MOV10L1: variants seen among roughly 807,000 people sequenced by gnomAD.
MOV10L1 encodes the protein Mov10 like RNA helicase 1.
Under a neutral mutation model 143.8 loss-of-function variants are expected in MOV10L1, and 110 were observed. The observed-to-expected ratio is 0.76, with a 90% confidence interval of 0.66 to 0.90. The LOEUF (loss-of-function observed/expected upper bound fraction) is 0.90, where lower values mean the gene tolerates loss of function less well. MOV10L1 is among the 40% of genes least tolerant of loss of function. The probability of loss-of-function intolerance (pLI) is 0.00; values close to 1 mark genes in which losing one functional copy is unlikely to be tolerated. For synonymous variants in MOV10L1, 593 were observed against 581.1 expected (o/e 1.02, Z -0.29); for missense variants, 1,406 against 1,526.8 (o/e 0.92, Z 1.32).
In MOV10L1 at chr22:50,125,505, G is replaced by C. The variant is rs1173514419; in HGVS notation, c.1683G>C (p.Arg561Ser). 1 of 1,614,238 alleles carries C rather than the reference G, an allele frequency of 6.2e-7. No homozygotes were observed. The highest frequency in any genetic ancestry group is 8.5e-7 in the Non-Finnish European group (1 of 1,180,052). ...EYNMSGIILR[R>S]NGDLLVLEVP... ...ACATGAGCGGGATCATCTTAAGAAG[G>C]AATGGGGATCTGCTGGTTCTGGAGG... is the stretch of plus-strand genomic sequence containing the variant. The change falls in exon 11 of 27, where the codon AGG (arginine) becomes AGC (serine). Residue 561 changes from arginine to serine, a missense_variant. This residue lies in a region of MOV10L1 where 1,233 missense variants were observed against 1,351.4 expected (regional missense o/e 0.91). Coordinates refer to ENST00000262794, the MANE Select transcript of MOV10L1 (RefSeq NM_018995.3).
At chr22:50,132,136 TACC>T (rs2062696272) in intron 13 of MOV10L1, among the ~76,000 whole-genome samples, 2 of 152,166 alleles carry the variant, frequency 1.3e-5, no homozygotes, top group Non-Finnish European at 2.9e-5. Flanking sequence ...CAACTCCTCA[TACC>T]CAGTAACATC....
At position 50,128,437 on chromosome 22, in the gene MOV10L1, C is replaced by G. The variant is rs924687683; in HGVS notation, c.1840C>G (p.Leu614Val). 1.3e-6 allele frequency: 2 copies of G among 1,533,136 alleles called. No individual in the cohort carries two copies. Among genetic ancestry groups the G allele is most frequent in the East Asian group, 4.5e-5 (2 of 44,142 alleles). 95.0% of individuals were successfully genotyped at this position (1,533,136 alleles called of 1,614,324 possible). The change falls in exon 13 of 27, where the codon CTT (leucine) becomes GTT (valine). Residue 614 changes from leucine (L) to valine (V), a missense_variant. By Grantham distance (32) the Leu-to-Val change is conservative. This residue lies in a region of MOV10L1 where 1,233 missense variants were observed against 1,351.4 expected (regional missense o/e 0.91). Coordinates refer to ENST00000262794, the MANE Select transcript of MOV10L1 (RefSeq NM_018995.3). ...VTEIHEEDVT[L>V]KINPEFEQAY... ...TTAGATTCATGAAGAAGATGTAACT[C>G]TTAAAATTAATCCAGAATTTGAACA...
intron 9 of MOV10L1, among the ~76,000 whole-genome samples, chr22:50,119,251 T>G (rs1347586842): frequency 1.3e-5 from 2 of 152,158 alleles, no homozygotes; most frequent in Non-Finnish European, 2.9e-5. Flanking sequence ...CCACTCAGGT[T>G]AGTGACCCAG....
chr22:50,154,852 G>C (rs1385342163), intron 22 of MOV10L1, among the ~76,000 whole-genome samples: 1 of 151,982 alleles, frequency 6.6e-6, no homozygotes, highest in African/African-American at 2.4e-5. Flanking sequence ...ATTCCACCTC[G>C]TAATATTAAC....
At chr22:50,094,189 A>G (rs1321137879) in intron 2 of MOV10L1, 2 of 152,086 alleles carry the variant, frequency 1.3e-5, no homozygotes, top group Admixed American at 6.5e-5. Context: ...AGAATAATTG[A>G]TATTTGGGTC....
chr22:50,160,223 TC>T (rs995782730), intron 24 of MOV10L1, among the ~76,000 whole-genome samples: 4 of 40,424 alleles, frequency 9.9e-5, no homozygotes, highest in Admixed American at 2.8e-4. Flanking sequence ...CTTCTCCCCC[TC>T]CCCCCACCTC....
chr22:50,116,660 CTTTT>C (rs397867977), intron 8 of MOV10L1, among the ~76,000 whole-genome samples: 469 of 104,086 alleles, frequency 4.5e-3, no homozygotes, highest in African/African-American at 0.015. Flanking sequence ...TAGATGCTTA[CTTTT>C]TTTTTTTTTT....
chr22:50,134,057 G>C lies in MOV10L1; in HGVS notation c.1961G>C (p.Gly654Ala). The change falls in exon 14 of 27, where the codon GGT (glycine) becomes GCT (alanine). Residue 654 changes from glycine to alanine, a missense_variant. Coordinates refer to ENST00000262794, the MANE Select transcript of MOV10L1 (RefSeq NM_018995.3). ...GCACTTGAACACGTCATCCACTTAG[G>C]TGTAAAAGGTATTACTTTTATAGAA... Reference protein sequence around the residue: ...HFALEHVIHLGVKVLFPEEII... With the variant: ...HFALEHVIHLAVKVLFPEEII... 1 of 1,609,434 alleles carries C rather than the reference G, an allele frequency of 6.2e-7. No individual in the cohort carries two copies. The highest frequency in any genetic ancestry group is 1.1e-5 in the South Asian group (1 of 90,038).
chr22:50,093,466 A>C (rs965108830), intron 2 of MOV10L1: 4 of 151,990 alleles, frequency 2.6e-5, no homozygotes, highest in Admixed American at 2.6e-4. Context: ...TCTTATTCCT[A>C]ATATTCAAAT....
chr22:50,109,296 AG>A (rs1365719979), intron 5 of MOV10L1, among the ~76,000 whole-genome samples: 1 of 152,136 alleles, frequency 6.6e-6, no homozygotes, highest in Non-Finnish European at 1.5e-5. Context: ...AGGCCGTGGC[AG>A]GAGAATTGCC....
rs745759903 is a variant in MOV10L1 at position 50,144,285 on chromosome 22, C to A, written c.2505+42C>A. ...AGCAGTGGGGGGCACCAGAACCCCT[C>A]CCTGGAACATAGGAAATGCCAAGTG... is the stretch of plus-strand genomic sequence containing the variant. On this transcript the variant is annotated intron_variant, in intron 18 of 26. Coordinates refer to ENST00000262794, the MANE Select transcript of MOV10L1 (RefSeq NM_018995.3). The A allele has an allele frequency of 3.2e-6, 5 of 1,560,780 alleles. No homozygotes were observed. The East Asian group carries it at 6.8e-5, about 21-fold the overall frequency.
intron 9 of MOV10L1, among the ~76,000 whole-genome samples, chr22:50,117,997 A>G (rs1338652625): frequency 6.6e-6 from 1 of 152,170 alleles, no homozygotes; most frequent in Non-Finnish European, 1.5e-5. Context: ...CTTTTCCTCC[A>G]TCGGCTATAA....
At chr22:50,126,061 G>A in intron 11 of MOV10L1, 141 bp from the exon 12 acceptor site, 3 of 572,224 alleles carry the variant, frequency 5.2e-6, no homozygotes, top group South Asian at 4.2e-5. Flanking sequence ...CAAAGTGCTG[G>A]GATTACAGGC....
intron 24 of MOV10L1, among the ~76,000 whole-genome samples, chr22:50,160,310 G>A (rs1429672615): frequency 2.0e-5 from 3 of 149,166 alleles, no homozygotes; most frequent in Non-Finnish European, 3.0e-5. Context: ...GCAGTGGCGC[G>A]ATCTCGGCTC....
chr22:50,106,389 C>G (rs2061868095), intron 3 of MOV10L1, among the ~76,000 whole-genome samples: 1 of 131,740 alleles, frequency 7.6e-6, no homozygotes, highest in African/African-American at 2.7e-5. Context: ...TGGTCTCAAA[C>G]TCCTGGGCTC....
At chr22:50,122,314 G>T (rs1465099631) in intron 10 of MOV10L1, among the ~76,000 whole-genome samples, 2 of 152,128 alleles carry the variant, frequency 1.3e-5, no homozygotes, top group African/African-American at 4.8e-5. Context: ...TTTTGCTGCT[G>T]TTGTAAATAC....
intron 2 of MOV10L1, among the ~76,000 whole-genome samples, chr22:50,099,114 C>G (rs1300461158): frequency 6.6e-6 from 1 of 152,160 alleles, no homozygotes; most frequent in Non-Finnish European, 1.5e-5. Flanking sequence ...TTGCTATAGA[C>G]TCAATGTTGG....
intron 22 of MOV10L1, among the ~76,000 whole-genome samples, chr22:50,157,680 T>G (rs540209581): frequency 6.6e-6 from 1 of 151,822 alleles, no homozygotes; most frequent in Non-Finnish European, 1.5e-5. Flanking sequence ...ATGTCTGTCT[T>G]TTATGTCAGT....
intron 15 of MOV10L1, among the ~76,000 whole-genome samples, chr22:50,138,299 G>C (rs1893748396): frequency 6.6e-6 from 1 of 152,152 alleles, no homozygotes; most frequent in Non-Finnish European, 1.5e-5. Context: ...GCCGGGTGTG[G>C]TGACTCGTGC....
Sources: gnomAD v4.1 joint callset for allele counts (sites outside exome capture counted in the v4.1 genomes callset) on GRCh38, gnomAD v4.1.1 for gene constraint, gnomAD v4.1.1 regional missense constraint, MANE v1.5 for transcripts, NCBI Gene and HGNC (gene_info 2026-07-23, HGNC 2026-07-21) for gene names.